KAZN: variants seen among roughly 807,000 people sequenced by gnomAD.
KAZN encodes kazrin.
A neutral mutation model predicts 87.4 loss-of-function variants in KAZN; 40 were observed. That is an observed-to-expected ratio of 0.46 (90% confidence interval 0.36 to 0.60). The LOEUF (loss-of-function observed/expected upper bound fraction) is 0.60. Ranked by LOEUF, KAZN falls within the 20% of genes least tolerant of loss-of-function variation. The probability of loss-of-function intolerance (pLI) is 0.00; values close to 1 mark genes in which losing one functional copy is unlikely to be tolerated. For missense variants in KAZN, 898 were observed against 1,073.9 expected, an observed-to-expected ratio of 0.84 and a Z score of 2.29; for synonymous variants, 466 against 458.3, an observed-to-expected ratio of 1.02 and a Z score of -0.22.
At chr1:14,911,105 T>A (rs1445915106) in intron 1 of KAZN, among the ~76,000 whole-genome samples, 1 of 152,160 alleles carries the variant, frequency 6.6e-6, no homozygotes, top group South Asian at 2.1e-4. Context: ...GCCCTGCCCA[T>A]GTTGGCCACT....
chr1:14,414,037 C>T (rs918859252), intron 2 of KAZN, among the ~76,000 whole-genome samples: 1 of 152,186 alleles, frequency 6.6e-6, no homozygotes, highest in African/African-American at 2.4e-5. Flanking sequence ...CCAGATGCTA[C>T]AGGCAGGAAG....
rs4661523 is a variant in KAZN, at chr1:14,773,027, C to T, written c.226+173804C>T. Among the ~76,000 whole-genome samples, 67,039 of 151,820 alleles carry T rather than the reference C, an allele frequency of 0.44. 15,766 individuals are homozygous for T. The highest frequency in any genetic ancestry group is 0.55 in the Middle Eastern group (162 of 294). On this transcript the variant is annotated intron_variant, in intron 1 of 14. Transcript: ENST00000376030. This position sits in a 1 kb window ranked among gnomAD's most constrained non-coding sequence, Gnocchi z 5.9. ...AGAGAATGGTATGAATGTCCACAGG[C>T]GGCCTCTTCATGGGGGTCTCAGGAA...
intron 1 of KAZN, among the ~76,000 whole-genome samples, chr1:14,748,358 G>A (rs908859473): frequency 6.6e-6 from 1 of 152,202 alleles, no homozygotes; most frequent in South Asian, 2.1e-4. Flanking sequence ...TGGGGATATA[G>A]AGTGGGCATC....
At chr1:14,380,398 A>G (rs956149480) in intron 2 of KAZN, among the ~76,000 whole-genome samples, 1 of 152,226 alleles carries the variant, frequency 6.6e-6, no homozygotes, top group African/African-American at 2.4e-5. Flanking sequence ...TATTTGAAGA[A>G]ACAGAGATAT....
At chr1:14,987,882 G>A (rs995215158) in intron 2 of KAZN, among the ~76,000 whole-genome samples, 11 of 152,232 alleles carry the variant, frequency 7.2e-5, no homozygotes, top group African/African-American at 2.4e-4. Flanking sequence ...CAGGACATAT[G>A]ATAGACACTC....
At chr1:13,962,379 T>C (rs1334555000) in intron 1 of KAZN, among the ~76,000 whole-genome samples, 1 of 152,080 alleles carries the variant, frequency 6.6e-6, no homozygotes, top group Non-Finnish European at 1.5e-5. Flanking sequence ...AGGCAACACC[T>C]TCTCAGAATG....
chr1:15,102,088 C>A (rs546808358), intron 11 of KAZN, among the ~76,000 whole-genome samples: 2 of 152,304 alleles, frequency 1.3e-5, no homozygotes, highest in South Asian at 4.1e-4. Flanking sequence ...GAGCTAAGTG[C>A]TTACCAGAGA....
chr1:14,882,669 CCTT>C (rs910869272), intron 1 of KAZN, among the ~76,000 whole-genome samples: 1 of 152,202 alleles, frequency 6.6e-6, no homozygotes. Flanking sequence ...ACAGCTCCTC[CCTT>C]CTTCTCCCTG....
chr1:15,084,227 T>C (rs1036966337), intron 8 of KAZN, among the ~76,000 whole-genome samples: 2 of 152,172 alleles, frequency 1.3e-5, no homozygotes, highest in Non-Finnish European at 2.9e-5. Context: ...GCCCTGGTAA[T>C]ACAAATATGG....
Position 13,988,293 on chromosome 1 carries a change from C to G in KAZN, c.91+94537C>G, listed in dbSNP as rs138258303. Among the ~76,000 whole-genome samples, 27 of 152,090 alleles carry G rather than the reference C, an allele frequency of 1.8e-4. No individual in the cohort carries two copies. The East Asian group carries it at 5.0e-3, about 28-fold the overall frequency. ...GCAGTAAATAGTAGAAATAAAAATGCCTATTTCTGCTATATAGTCGGGGTA... is the reference window on the plus strand; with the variant it reads ...GCAGTAAATAGTAGAAATAAAAATGGCTATTTCTGCTATATAGTCGGGGTA... On this transcript the variant is annotated intron_variant, in intron 1 of 16. Coordinates refer to the KAZN transcript ENST00000636203.
chr1:14,524,364 A>G (rs1021547968), intron 2 of KAZN, among the ~76,000 whole-genome samples: 2 of 152,102 alleles, frequency 1.3e-5, no homozygotes, highest in Non-Finnish European at 2.9e-5. Context: ...TCCTGGAAGC[A>G]TGGAGGCAGG....
At chr1:14,490,468 T>C (rs867867917) in intron 2 of KAZN, among the ~76,000 whole-genome samples, 10 of 149,990 alleles carry the variant, frequency 6.7e-5, no homozygotes, top group African/African-American at 2.0e-4. Flanking sequence ...CATTTGGTTG[T>C]TTTTTTTGTT....
chr1:14,418,080 C>G (rs112504914), intron 2 of KAZN, among the ~76,000 whole-genome samples: 2,021 of 143,982 alleles, frequency 0.014, 56 homozygotes, highest in African/African-American at 0.048. Flanking sequence ...TAGACATGTC[C>G]CCTCCCAGGA....
intron 1 of KAZN, among the ~76,000 whole-genome samples, chr1:13,989,908 T>C (rs760104005): frequency 4.6e-5 from 7 of 152,316 alleles, no homozygotes; most frequent in South Asian, 4.1e-4. Context: ...CTGAGCTAGA[T>C]GCCATGGCCC....
intron 1 of KAZN, among the ~76,000 whole-genome samples, chr1:13,944,668 C>G (rs1157216895): frequency 6.6e-6 from 1 of 152,090 alleles, no homozygotes; most frequent in Non-Finnish European, 1.5e-5. Context: ...TTATATTAGA[C>G]TGTAATAAGT....
intron 1 of KAZN, among the ~76,000 whole-genome samples, chr1:14,156,265 A>G (rs775790086): frequency 1.3e-5 from 2 of 152,186 alleles, no homozygotes; most frequent in Non-Finnish European, 2.9e-5. Flanking sequence ...CATATGGCCT[A>G]TTCTTGAGAG....
At chr1:14,869,979 G>T (rs144146271) in intron 1 of KAZN, among the ~76,000 whole-genome samples, 11 of 152,102 alleles carry the variant, frequency 7.2e-5, no homozygotes, top group Non-Finnish European at 1.0e-4. Flanking sequence ...CAAGGTATCC[G>T]GGGAAAAATG....
At chr1:14,655,365 A>G (rs1206105538) in intron 1 of KAZN, among the ~76,000 whole-genome samples, 1 of 152,212 alleles carries the variant, frequency 6.6e-6, no homozygotes, top group East Asian at 1.9e-4. Context: ...CTTGCTCTGC[A>G]AGTATGAGGC....
Position 15,114,464 on chromosome 1 carries a change from T to G in KAZN, c.2164-7T>G. ...CCTGTCCTTTGATCATATTCTTCTC[T>G]TCTCAGCTGCCCCTGGGGAAGATAG... On this transcript the variant is annotated splice_polypyrimidine_tract_variant and splice_region_variant and intron_variant, in intron 14 of 14. Coordinates refer to ENST00000376030, the MANE Select transcript of KAZN (RefSeq NM_201628.3). 1 of 1,605,640 alleles carries G rather than the reference T, an allele frequency of 6.2e-7. No individual in the cohort carries two copies. Among genetic ancestry groups the G allele is most frequent in the Non-Finnish European group, 8.5e-7 (1 of 1,175,344 alleles).
Sources: gnomAD v4.1 joint callset for allele counts (sites outside exome capture counted in the v4.1 genomes callset) on GRCh38, gnomAD v4.1.1 for gene constraint, Gnocchi (gnomAD v3.1) non-coding constraint, MANE v1.5 for transcripts, NCBI Gene and HGNC (gene_info 2026-07-23, HGNC 2026-07-21) for gene names.